The following PRKG1 variants were observed in gnomAD, a reference collection of about 807,000 sequenced individuals.
PRKG1 encodes cGMP-dependent protein kinase 1.
A neutral mutation model predicts 88.1 loss-of-function variants in PRKG1; 35 were observed. That is an observed-to-expected ratio of 0.40 (90% CI 0.30 to 0.53). The LOEUF (loss-of-function observed/expected upper bound fraction) is 0.53, where lower values mean the gene tolerates loss of function less well. PRKG1 is among the 20% of genes least tolerant of loss of function. PRKG1 has a pLI of 0.59. For synonymous variants in PRKG1, 303 were observed against 292.5 expected (o/e 1.04, Z -0.37); for missense variants, 540 against 839.8 (o/e 0.64, Z 4.41).
intron 3 of PRKG1, among the ~76,000 whole-genome samples, chr10:51,660,085 A>T (rs977481468): frequency 6.6e-6 from 1 of 151,634 alleles, no homozygotes; most frequent in East Asian, 1.9e-4. Flanking sequence ...AGTTGCTGAA[A>T]AAAAGAGACA....
At chr10:51,202,335 G>A (rs1837932834) in intron 2 of PRKG1, among the ~76,000 whole-genome samples, 1 of 152,156 alleles carries the variant, frequency 6.6e-6, no homozygotes. Context: ...GAGCTCTAAT[G>A]GGATCAGGCT....
At chr10:51,077,759 A>G (rs12767015) in intron 1 of PRKG1, among the ~76,000 whole-genome samples, 25,068 of 152,172 alleles carry the variant, frequency 0.16, 2,597 homozygotes, top group Non-Finnish European at 0.23. Context: ...TAGATACAAT[A>G]CTTATGTGAA....
At chr10:51,130,164 A>T (rs1245127632) in intron 1 of PRKG1, among the ~76,000 whole-genome samples, 1 of 152,222 alleles carries the variant, frequency 6.6e-6, no homozygotes, top group Non-Finnish European at 1.5e-5. Flanking sequence ...CAGTTGTTCA[A>T]GTCAGAAGCC....
chr10:51,000,192 A>T (rs992619905), intron 1 of PRKG1, among the ~76,000 whole-genome samples: 9 of 152,234 alleles, frequency 5.9e-5, no homozygotes, highest in Admixed American at 5.2e-4. Flanking sequence ...AATGGCTTAA[A>T]AATCAAAATT....
chr10:51,490,967 G>T (rs1044969353), intron 3 of PRKG1, among the ~76,000 whole-genome samples: 30 of 152,158 alleles, frequency 2.0e-4, no homozygotes, highest in African/African-American at 6.3e-4. Flanking sequence ...GGTTTGGATA[G>T]AAAGGAACAC....
At position 51,750,015 on chromosome 10, in the gene PRKG1, A is replaced by C. The variant is rs1044686497; in HGVS notation, c.593-54570A>C. On this transcript the variant is annotated intron_variant, in intron 3 of 17. Transcript: ENST00000373980. ...CAATGGCGTGATCTTGGCTCGCTGC[A>C]ACCTCTGCCTCCCAGGTTTAAGCGA... 7.4e-5 allele frequency among the ~76,000 whole-genome samples: 11 copies of C among 148,936 alleles called. No homozygotes were observed. The East Asian group carries it at 1.4e-3, about 19-fold the overall frequency.
intron 9 of PRKG1, among the ~76,000 whole-genome samples, chr10:52,227,559 C>T (rs1178630681): frequency 2.0e-5 from 3 of 152,100 alleles, no homozygotes; most frequent in Non-Finnish European, 4.4e-5. Flanking sequence ...TATGCAAATA[C>T]TACACCATTT....
chr10:51,501,502 T>TGGC (rs1841022526), intron 3 of PRKG1, among the ~76,000 whole-genome samples: 1 of 152,128 alleles, frequency 6.6e-6, no homozygotes, highest in Non-Finnish European at 1.5e-5. Context: ...GTGTCTTGTC[T>TGGC]AATGGGAGTG....
chr10:52,224,694 A>G (rs1840338739), intron 9 of PRKG1, among the ~76,000 whole-genome samples: 2 of 150,256 alleles, frequency 1.3e-5, no homozygotes, highest in African/African-American at 4.9e-5. Context: ...AGAACATATG[A>G]TGTTTGATTT....
intron 2 of PRKG1, among the ~76,000 whole-genome samples, chr10:51,462,861 T>A (rs1839782613): frequency 6.6e-6 from 1 of 152,214 alleles, no homozygotes; most frequent in Non-Finnish European, 1.5e-5. Context: ...ATTTCTTCCT[T>A]ATGAATATGG....
At chr10:51,110,933 G>A (rs1844966234) in intron 1 of PRKG1, among the ~76,000 whole-genome samples, 1 of 152,256 alleles carries the variant, frequency 6.6e-6, no homozygotes, top group Non-Finnish European at 1.5e-5. Flanking sequence ...TATCTCCATA[G>A]TCAACCCTCT....
At chr10:52,136,933 C>G (rs1282865703) in intron 8 of PRKG1, among the ~76,000 whole-genome samples, 1 of 152,046 alleles carries the variant, frequency 6.6e-6, no homozygotes, top group African/African-American at 2.4e-5. Context: ...CATTTGTATA[C>G]TCTTAGCAGA....
At chr10:51,927,686 T>G (rs1233342228) in intron 5 of PRKG1, among the ~76,000 whole-genome samples, 1 of 152,124 alleles carries the variant, frequency 6.6e-6, no homozygotes, top group African/African-American at 2.4e-5. Flanking sequence ...AATAAATACT[T>G]CCTATCTCTG....
At chr10:51,200,070 A>G (rs1276550600) in intron 2 of PRKG1, among the ~76,000 whole-genome samples, 1 of 152,236 alleles carries the variant, frequency 6.6e-6, no homozygotes, top group Non-Finnish European at 1.5e-5. Context: ...ATCAGGACAC[A>G]CAGCTCAAAG....
At chr10:51,979,360 A>G (rs1843933586) in intron 5 of PRKG1, among the ~76,000 whole-genome samples, 2 of 128,394 alleles carry the variant, frequency 1.6e-5, no homozygotes, top group Non-Finnish European at 3.3e-5. Context: ...TTGGTTTGAC[A>G]GTATTTTGTT....
At chr10:51,025,328 A>G (rs1371167761) in intron 1 of PRKG1, among the ~76,000 whole-genome samples, 1 of 152,030 alleles carries the variant, frequency 6.6e-6, no homozygotes, top group Non-Finnish European at 1.5e-5. Flanking sequence ...TTGCTTGGTC[A>G]TTTTTTCCTG....
intron 2 of PRKG1, among the ~76,000 whole-genome samples, chr10:51,217,932 C>T (rs1189725834): frequency 1.3e-5 from 2 of 152,048 alleles, no homozygotes; most frequent in Admixed American, 1.3e-4. Context: ...TTTCAGTTCC[C>T]TCCTTCATCT....
rs77703483 is a variant in PRKG1 at position 52,269,849 on chromosome 10, G to A, written c.1174-1501G>A. Reference sequence around the variant, plus strand: ...GAAATTTCTTGTAAAACCATAAACAGCACCCTGTCTGAGTAAGGCATGTGG... The same window carrying A: ...GAAATTTCTTGTAAAACCATAAACAACACCCTGTCTGAGTAAGGCATGTGG... On this transcript the variant is annotated intron_variant, in intron 10 of 17. Transcript: ENST00000373980. 2.6e-3 allele frequency among the ~76,000 whole-genome samples: 391 copies of A among 152,086 alleles called. 2 individuals carry two copies. The highest frequency in any genetic ancestry group is 9.0e-3 in the African/African-American group (374 of 41,496).
intron 4 of PRKG1, among the ~76,000 whole-genome samples, chr10:51,852,961 A>G (rs1386509891): frequency 6.6e-6 from 1 of 152,180 alleles, no homozygotes; most frequent in Non-Finnish European, 1.5e-5. Context: ...ACTGTTAAGT[A>G]TTTTGAAGCC....
Sources: allele counts gnomAD v4.1 joint callset (sites outside exome capture counted in the v4.1 genomes callset), GRCh38; gene constraint gnomAD v4.1.1; transcripts MANE v1.5; gene names NCBI Gene and HGNC (gene_info 2026-07-23, HGNC 2026-07-21).